INTS6: variants seen among roughly 807,000 people sequenced by gnomAD.
The protein encoded by INTS6 is DEAD box protein.
In INTS6, 16 loss-of-function variants were observed where a neutral mutation model predicts 104.9. The observed-to-expected ratio is 0.15, with a 90% CI of 0.10 to 0.23. INTS6 has a LOEUF of 0.23. INTS6 is among the 10% of genes least tolerant of loss of function. INTS6 has a pLI of 1.00. For synonymous variants in INTS6, 324 were observed against 358.7 expected, an observed-to-expected ratio of 0.90 and a Z score of 1.09; for missense variants, 584 against 1,062.8, an observed-to-expected ratio of 0.55 and a Z score of 6.26.
chr13:51,421,119 G>T, intron 4 of INTS6: 9 of 985,588 alleles, frequency 9.1e-6, no homozygotes, highest in Non-Finnish European at 1.1e-5. Context: ...CACCTTTAAG[G>T]CTTTTTCTGA....
At chr13:51,376,001 A>AT (rs1955923545) in intron 13 of INTS6, 47 bp downstream of exon 13, 1 of 1,480,040 alleles carries the variant, frequency 6.8e-7, no homozygotes, top group African/African-American at 1.4e-5. Context: ...TTTTCAGACT[A>AT]TAAAGAAAAA....
chr13:51,429,791 T>A (rs868039605), intron 4 of INTS6, among the ~76,000 whole-genome samples: 20,693 of 87,802 alleles, frequency 0.24, 3,340 homozygotes, highest in African/African-American at 0.44. Context: ...AAAAAATATA[T>A]ATATATATAT....
At chr13:51,399,765 CTGA>C (rs2056085643) in intron 4 of INTS6, among the ~76,000 whole-genome samples, 2 of 151,818 alleles carry the variant, frequency 1.3e-5, no homozygotes, top group Admixed American at 1.3e-4. Flanking sequence ...TTTAATTTCC[CTGA>C]TGTTTATGGA....
At chr13:51,345,374 C>T in the INTS6 span, among the ~76,000 whole-genome samples, 8 of 152,006 alleles carry the variant, frequency 5.3e-5, no homozygotes, top group African/African-American at 1.9e-4. Context: ...GCGGGCAGAT[C>T]ACGAGGTCAG....
chr13:51,345,218 C>T, the INTS6 span, among the ~76,000 whole-genome samples: 1 of 152,186 alleles, frequency 6.6e-6, no homozygotes, highest in African/African-American at 2.4e-5. Context: ...GAAGGCTCAG[C>T]CTCCTGCCCA....
chr13:51,371,727 C>G (rs1955809489), intron 15 of INTS6, among the ~76,000 whole-genome samples: 1 of 152,056 alleles, frequency 6.6e-6, no homozygotes, highest in Non-Finnish European at 1.5e-5. Flanking sequence ...GTTAAACTCC[C>G]TCACTCTCTT....
chr13:51,429,033 T>C (rs1957035205), intron 4 of INTS6, among the ~76,000 whole-genome samples: 3 of 152,200 alleles, frequency 2.0e-5, no homozygotes, highest in Non-Finnish European at 2.9e-5. Flanking sequence ...CCAATAACCC[T>C]ATGAAGTAAG....
chr13:51,346,552 C>T, the INTS6 span, among the ~76,000 whole-genome samples: 1 of 152,152 alleles, frequency 6.6e-6, no homozygotes, highest in African/African-American at 2.4e-5. Context: ...CTCTACCAAC[C>T]CAACTCCAGA....
chr13:51,400,891 T>TA (rs1330746243), intron 4 of INTS6, among the ~76,000 whole-genome samples: 1 of 152,170 alleles, frequency 6.6e-6, no homozygotes, highest in Non-Finnish European at 1.5e-5. Context: ...TTTCACTTAT[T>TA]AAATTTTTTA....
intron 4 of INTS6, among the ~76,000 whole-genome samples, chr13:51,396,722 C>G (rs1157590818): frequency 6.6e-6 from 1 of 152,122 alleles, no homozygotes; most frequent in Admixed American, 6.6e-5. Flanking sequence ...AACACCAGCA[C>G]AAGAGAGCAA....
chr13:51,372,336 A>G (rs74084824), intron 15 of INTS6, among the ~76,000 whole-genome samples: 4,363 of 151,132 alleles, frequency 0.029, 220 homozygotes, highest in African/African-American at 0.1. Flanking sequence ...TATTTGGGAC[A>G]ACTACCCACT....
intron 3 of INTS6, among the ~76,000 whole-genome samples, chr13:51,355,696 T>C (rs770373012): frequency 7.2e-5 from 11 of 152,200 alleles, no homozygotes; most frequent in Non-Finnish European, 1.3e-4. Flanking sequence ...CAAAGTTGAA[T>C]TGCTACTACC....
chr13:51,348,201 C>T, the INTS6 span: 195 of 1,568,914 alleles, frequency 1.2e-4, no homozygotes, highest in Non-Finnish European at 1.6e-4. Flanking sequence ...CTCTGATCCA[C>T]TGTACCCTCA....
At position 51,395,356 on chromosome 13, in the gene INTS6, A is replaced by C; in HGVS notation, c.557T>G (p.Leu186Trp). 1 of 1,613,932 alleles carries C rather than the reference A, an allele frequency of 6.2e-7. No homozygotes were observed. Residue 186 changes from leucine to tryptophan, a missense_variant, in exon 5 of 18, where the codon TTG becomes TGG. Physicochemically the swap from Leu to Trp is moderately conservative, Grantham distance 61. Around this residue, in one of 5 missense-constraint regions of INTS6, gnomAD observed 144 missense variants for 348.7 expected, o/e 0.41. Transcript: ENST00000311234. ...AGAGTCATCTAAAGGCACACCTGTC[A>C]ACTGTTCTGATTCTACTGACATGGT... ...PGTMSVESEQ[L>W]TGVPLDDSAI... is the part of the protein sequence containing the mutation.
At chr13:51,406,296 C>A (rs185142284) in intron 4 of INTS6, among the ~76,000 whole-genome samples, 126 of 152,212 alleles carry the variant, frequency 8.3e-4, no homozygotes, top group Non-Finnish European at 1.1e-3. Flanking sequence ...CATGACACAC[C>A]CCCCTGAATG....
chr13:51,378,873 G>A (rs1005026998), intron 11 of INTS6, among the ~76,000 whole-genome samples: 1 of 151,922 alleles, frequency 6.6e-6, no homozygotes, highest in African/African-American at 2.4e-5. Flanking sequence ...TTCTTCCCTG[G>A]AAAGCAAGAA....
chr13:51,336,324 C>T, the INTS6 span, among the ~76,000 whole-genome samples: 10 of 152,040 alleles, frequency 6.6e-5, 1 homozygote, highest in African/African-American at 2.4e-4. Flanking sequence ...CCCATCTCTA[C>T]TAAAAATACA....
rs1955973989 is a variant in INTS6 at position 51,378,293 on chromosome 13, C to T, written c.1548G>A (p.Leu516=). ...QGISEDVPHR[L]LDLNMKEYTG... ...TGTATTCCTTCATATTAAGGTCTAG[C>T]AGTCTGTGAGGGACATCCTCTGAAA... Residue 516 remains leucine (L), a synonymous_variant, in exon 12 of 18, where the codon CTG becomes CTA. Transcript: ENST00000311234. 2 of 1,613,328 alleles carry T rather than the reference C, an allele frequency of 1.2e-6. No individual in the cohort carries two copies. The highest frequency in any genetic ancestry group is 2.7e-5 in the African/African-American group (2 of 74,878).
rs150235240 is a variant in INTS6, at chr13:51,404,213, G to C, written c.430-8730C>G. Among the ~76,000 whole-genome samples, 240 of 150,978 alleles carry C rather than the reference G, an allele frequency of 1.6e-3. 3 individuals are homozygous for C. In the East Asian group the frequency reaches 0.033, roughly 20 times the overall value. ...AGCTTGAGCCCAGGAGGTTGAGATT[G>C]CAGTGAGTCATGATAGCACCACTGC... is the stretch of plus-strand genomic sequence containing the variant. On this transcript the variant is annotated intron_variant, in intron 4 of 17. Coordinates refer to ENST00000311234, the MANE Select transcript of INTS6 (RefSeq NM_012141.3).
Sources: gnomAD v4.1 joint callset for allele counts (sites outside exome capture counted in the v4.1 genomes callset) on GRCh38, gnomAD v4.1.1 for gene constraint, gnomAD v4.1.1 regional missense constraint, MANE v1.5 for transcripts, NCBI Gene and HGNC (gene_info 2026-07-23, HGNC 2026-07-21) for gene names.